CEP63: variants seen among roughly 807,000 people sequenced by gnomAD.
CEP63 encodes the protein centrosomal protein of 63 kDa.
A neutral mutation model predicts 89.1 loss-of-function variants in CEP63; 84 were observed. The observed-to-expected ratio is 0.94, with a 90% confidence interval of 0.79 to 1.13. CEP63 has a LOEUF of 1.13. CEP63 is among the 50% of genes most tolerant of loss of function. CEP63 has a pLI of 0.00. For synonymous variants in CEP63, 267 were observed against 272.5 expected, an observed-to-expected ratio of 0.98 and a Z score of 0.20; for missense variants, 838 against 813.3, an observed-to-expected ratio of 1.03 and a Z score of -0.37.
downstream of CEP63, among the ~76,000 whole-genome samples, chr3:134,569,548 A>G (rs1957932467): frequency 6.6e-6 from 1 of 152,210 alleles, no homozygotes; most frequent in Non-Finnish European, 1.5e-5. Flanking sequence ...CGCTGATGCA[A>G]AAGGTGGCTT....
chr3:134,688,630 T>G, the CEP63 span, among the ~76,000 whole-genome samples: 2 of 152,184 alleles, frequency 1.3e-5, no homozygotes, highest in African/African-American at 4.8e-5. Flanking sequence ...ATTTGACAGG[T>G]GCACCAAGTT....
the CEP63 span, among the ~76,000 whole-genome samples, chr3:134,698,344 G>C: frequency 1.6e-4 from 24 of 152,320 alleles, no homozygotes; most frequent in African/African-American, 5.8e-4. Context: ...CACTTCAGTA[G>C]AGCCAGAGAC....
chr3:134,529,177 TTTAAATGGTAAGCA>T (rs1428375417), intron 3 of CEP63, among the ~76,000 whole-genome samples: 1 of 152,188 alleles, frequency 6.6e-6, no homozygotes, highest in African/African-American at 2.4e-5. Flanking sequence ...CGATATGTCT[TTTAAATGGTAAGCA>T]TTTTTCATGT....
At chr3:134,679,463 G>A in the CEP63 span, among the ~76,000 whole-genome samples, 2 of 152,200 alleles carry the variant, frequency 1.3e-5, no homozygotes, top group African/African-American at 2.4e-5. Context: ...AGTCTCGGGA[G>A]CAGTCCAGCA....
the CEP63 span, among the ~76,000 whole-genome samples, chr3:134,748,701 A>C: frequency 4.9e-4 from 75 of 152,312 alleles, no homozygotes; most frequent in Admixed American, 2.2e-3. Context: ...ACTGATGGGC[A>C]GTGCTGAAGT....
At chr3:134,775,288 A>T in the CEP63 span, among the ~76,000 whole-genome samples, 1 of 152,188 alleles carries the variant, frequency 6.6e-6, no homozygotes, top group Admixed American at 6.5e-5. Flanking sequence ...AAGGAGCTGA[A>T]CAAGGATGCA....
intron 3 of CEP63, 102 bp downstream of exon 3, chr3:134,507,388 T>C (rs1943736107): frequency 1.2e-6 from 1 of 869,126 alleles, no homozygotes; most frequent in Admixed American, 2.5e-5. Flanking sequence ...GTATACCAAG[T>C]TAGTTTATTG....
chr3:134,583,025 T>G (rs1958397721), intron 10 of CEP63, among the ~76,000 whole-genome samples: 1 of 152,192 alleles, frequency 6.6e-6, no homozygotes, highest in Non-Finnish European at 1.5e-5. Flanking sequence ...TTGATGGGGT[T>G]GTTTGTTTTT....
the CEP63 span, chr3:134,608,912 TG>T: frequency 6.6e-7 from 1 of 1,508,344 alleles, no homozygotes. Flanking sequence ...CCCACCGGAG[TG>T]GTCCTATGGA....
chr3:134,651,715 G>A, the CEP63 span: 4 of 676,060 alleles, frequency 5.9e-6, no homozygotes, highest in Admixed American at 2.5e-4. Context: ...TAAAGTCTCG[G>A]TTCGTTCTAG....
At chr3:134,627,141 G>A in the CEP63 span, among the ~76,000 whole-genome samples, 5 of 152,182 alleles carry the variant, frequency 3.3e-5, no homozygotes, top group Non-Finnish European at 7.3e-5. Context: ...CATGATTTAT[G>A]CCTCATTAAA....
At chr3:134,537,753 C>G (rs1367179188) in intron 6 of CEP63, among the ~76,000 whole-genome samples, 1 of 152,168 alleles carries the variant, frequency 6.6e-6, no homozygotes, top group African/African-American at 2.4e-5. Flanking sequence ...TGCTCCATCC[C>G]TATGGTCACT....
chr3:134,762,458 C>T, the CEP63 span, among the ~76,000 whole-genome samples: 2 of 152,282 alleles, frequency 1.3e-5, no homozygotes, highest in Admixed American at 6.5e-5. Context: ...GAAGTCCTAA[C>T]ATCTGGTACT....
chr3:134,641,667 T>C, the CEP63 span, among the ~76,000 whole-genome samples: 2 of 152,098 alleles, frequency 1.3e-5, no homozygotes, highest in African/African-American at 4.8e-5. Context: ...GCCACCTCAT[T>C]TGTGGAAATT....
chr3:134,607,962 C>A, the CEP63 span: 2 of 1,007,550 alleles, frequency 2.0e-6, no homozygotes, highest in Non-Finnish European at 2.4e-6. Flanking sequence ...CCTCTGCTGC[C>A]TAGAACATGT....
At chr3:134,534,817 G>A (rs976731594) in intron 5 of CEP63, among the ~76,000 whole-genome samples, 4 of 152,064 alleles carry the variant, frequency 2.6e-5, no homozygotes, top group Admixed American at 2.6e-4. Context: ...TCCACAATGA[G>A]TATTTCAGAC....
At chr3:134,521,973 C>A (rs528495765) in intron 3 of CEP63, among the ~76,000 whole-genome samples, 1 of 152,236 alleles carries the variant, frequency 6.6e-6, no homozygotes, top group Admixed American at 6.5e-5. Flanking sequence ...TTCAGCTGGA[C>A]TTGGGGGAGC....
At chr3:134,603,689 C>G in the CEP63 span, 1 of 1,613,902 alleles carries the variant, frequency 6.2e-7, no homozygotes. Context: ...CAGCTTCCCT[C>G]CCAGTAGCCC....
the CEP63 span, chr3:134,643,256 G>T: frequency 6.5e-7 from 1 of 1,535,652 alleles, no homozygotes; most frequent in South Asian, 1.1e-5. Context: ...TCGCTGGCCA[G>T]AGCATCAGGT....
Sources: allele counts gnomAD v4.1 joint callset (sites outside exome capture counted in the v4.1 genomes callset), GRCh38; gene constraint gnomAD v4.1.1; transcripts MANE v1.5; gene names NCBI Gene and HGNC (gene_info 2026-07-23, HGNC 2026-07-21).